PLEKHA5: variants seen among roughly 807,000 people sequenced by gnomAD.
PLEKHA5 encodes pleckstrin homology domain-containing family A member 5.
In PLEKHA5, 55 loss-of-function variants were observed where a neutral mutation model predicts 181.9. That is an observed-to-expected ratio of 0.30 (90% confidence interval 0.24 to 0.38). The LOEUF is 0.38. Ranked by LOEUF, PLEKHA5 falls within the 10% of genes least tolerant of loss-of-function variation. The pLI is 1.00. For synonymous variants in PLEKHA5, 535 were observed against 529.4 expected, an observed-to-expected ratio of 1.01 and a Z score of -0.15; for missense variants, 1,432 against 1,549.5, an observed-to-expected ratio of 0.92 and a Z score of 1.27.
At chr12:19,349,815 A>G (rs2094506753) in intron 25 of PLEKHA5, among the ~76,000 whole-genome samples, 1 of 151,968 alleles carries the variant, frequency 6.6e-6, no homozygotes, top group South Asian at 2.1e-4. Context: ...CATCTCTACT[A>G]AAAATACAAA....
rs78335422 is a variant in PLEKHA5 at position 19,240,823 on chromosome 12, G to A, written c.228-13117G>A. 1.9e-4 allele frequency among the ~76,000 whole-genome samples: 29 copies of A among 152,094 alleles called. 1 individual carries two copies. In the East Asian group the frequency reaches 5.6e-3, roughly 29 times the overall value. ...TATTTCTGATTATTGAAATGTTTCTGAGTTAGGGTTCTGCCCAGTTTTATT... is the reference window on the plus strand; with the variant it reads ...TATTTCTGATTATTGAAATGTTTCTAAGTTAGGGTTCTGCCCAGTTTTATT... On this transcript the variant is annotated intron_variant, in intron 3 of 31. Coordinates refer to ENST00000429027, the MANE Select transcript of PLEKHA5 (RefSeq NM_001256470.2).
At chr12:19,223,262 G>A (rs2059244755) in intron 3 of PLEKHA5, among the ~76,000 whole-genome samples, 1 of 151,996 alleles carries the variant, frequency 6.6e-6, no homozygotes, top group Admixed American at 6.6e-5. Context: ...GCCACCTGGT[G>A]GACAGTGATC....
intron 20 of PLEKHA5, among the ~76,000 whole-genome samples, chr12:19,324,297 A>G (rs1449864448): frequency 2.6e-5 from 4 of 152,150 alleles, no homozygotes; most frequent in Admixed American, 2.6e-4. Context: ...ATTCTTAAAT[A>G]CCTTACATTT....
chr12:19,328,048 A>T (rs1435927666), intron 20 of PLEKHA5, among the ~76,000 whole-genome samples: 1 of 152,196 alleles, frequency 6.6e-6, no homozygotes, highest in East Asian at 1.9e-4. Flanking sequence ...TCTTCTGCAT[A>T]TGGCTAGCCA....
intron 13 of PLEKHA5, among the ~76,000 whole-genome samples, chr12:19,289,240 C>G: frequency 6.6e-6 from 1 of 152,196 alleles, no homozygotes; most frequent in East Asian, 1.9e-4. Flanking sequence ...TGTTGTCTCA[C>G]CTGTGGATAC....
Position 19,320,589 on chromosome 12 carries a change from T to G in PLEKHA5, c.2182T>G (p.Leu728Val), listed in dbSNP as rs778002520. ...CLSQDEGRGT[L>V]YKYRPEEVDI... ...GTCACAAGATGAAGGTAGAGGCACA[T>G]TATACAAATACAGACCTGAAGAAGT... The change falls in exon 18 of 32, where the codon TTA becomes GTA. Residue 728 changes from leucine (L) to valine (V), a missense_variant. By Grantham distance (32) the Leu-to-Val change is conservative (BLOSUM62 1). Coordinates refer to ENST00000429027, the MANE Select transcript of PLEKHA5 (RefSeq NM_001256470.2). 3.3e-6 allele frequency: 5 copies of G among 1,520,678 alleles called. No individual in the cohort carries two copies. Among genetic ancestry groups the G allele is most frequent in the Non-Finnish European group, 4.5e-6 (5 of 1,102,180 alleles). 94.2% of individuals were successfully genotyped at this position (1,520,678 alleles called of 1,614,324 possible).
rs2094835821 is a variant in PLEKHA5 at position 19,354,772 on chromosome 12, GC to G, written c.3138+771del. On this transcript the variant is annotated intron_variant, in intron 26 of 31. Transcript: ENST00000429027. ...GCTGGGATTACAGGCGTGAGCCACC[GC>G]GCCCGGCCTTAAAATTTTGTTTAAA... 3.3e-5 allele frequency among the ~76,000 whole-genome samples: 5 copies of G among 152,150 alleles called. No individual in the cohort carries two copies. The South Asian group carries it at 1.0e-3, about 31-fold the overall frequency.
chr12:19,221,966 T>A (rs1047042028), intron 3 of PLEKHA5, among the ~76,000 whole-genome samples: 3 of 152,050 alleles, frequency 2.0e-5, no homozygotes, highest in Admixed American at 6.5e-5. Context: ...AGTTAATTTT[T>A]AAAAATATTG....
intron 11 of PLEKHA5, among the ~76,000 whole-genome samples, chr12:19,281,243 G>A (rs2076066837): frequency 1.3e-5 from 2 of 149,102 alleles, no homozygotes; most frequent in East Asian, 4.0e-4. Context: ...AAAAAAAAAA[G>A]TATGTTTGTA....
chr12:19,257,546 T>C lies in PLEKHA5; in HGVS notation c.537+9T>C, dbSNP rs779463167. ...GTTGGCTTTATAAACAGGTATTTTT[T>C]TTTTTTTGATATGAAACAAAAGACA... On this transcript the variant is annotated intron_variant, in intron 6 of 31. Transcript: ENST00000429027. The C allele has an allele frequency of 1.4e-6, 2 of 1,397,850 alleles. No homozygotes were observed. The highest frequency in any genetic ancestry group is 1.9e-5 in the Admixed American group (1 of 53,922). The allele number at this position is 1,397,850 out of a possible 1,614,324, so 86.6% of individuals were successfully genotyped here.
chr12:19,212,830 T>G (rs562414562), intron 3 of PLEKHA5, among the ~76,000 whole-genome samples: 50 of 90,002 alleles, frequency 5.6e-4, no homozygotes, highest in African/African-American at 2.0e-3. Context: ...GGGTTTTTTT[T>G]TGTTGTTTTT....
rs2091136364 is a variant in PLEKHA5 at position 19,322,543 on chromosome 12, C to CTCTT, written c.2324_2325insTCTT (p.Ala776LeufsTer12). ...TACACGCTTGAGCAAGCTTTGCTAT[C>CTCTT]AGCCAGCCAAGAGATAGAAATGCAT... On this transcript the variant is annotated frameshift_variant, in exon 20 of 32. Transcript: ENST00000429027. LOFTEE classifies it high-confidence loss of function. 1 of 1,613,798 alleles carries CTCTT rather than the reference C, an allele frequency of 6.2e-7. No homozygotes were observed. Among genetic ancestry groups the CTCTT allele is most frequent in the Non-Finnish European group, 8.5e-7 (1 of 1,179,854 alleles).
At chr12:19,305,539 T>G (rs1290943891) in intron 15 of PLEKHA5, among the ~76,000 whole-genome samples, 4 of 116,546 alleles carry the variant, frequency 3.4e-5, no homozygotes, top group Non-Finnish European at 3.5e-5. Flanking sequence ...CCAGCCTGGG[T>G]GACAGCGAGA....
intron 3 of PLEKHA5, among the ~76,000 whole-genome samples, chr12:19,183,271 T>A (rs116001752): frequency 2.0e-5 from 3 of 152,182 alleles, no homozygotes; most frequent in Non-Finnish European, 2.9e-5. Context: ...CTGTTATCAT[T>A]ATCAGCTGAC....
At chr12:19,134,897 C>T (rs1346404118) in intron 3 of PLEKHA5, among the ~76,000 whole-genome samples, 1 of 152,014 alleles carries the variant, frequency 6.6e-6, no homozygotes, top group Non-Finnish European at 1.5e-5. Context: ...GAAAGTGATT[C>T]GTGTTGGTGG....
chr12:19,231,494 C>G (rs2060533728), intron 3 of PLEKHA5, among the ~76,000 whole-genome samples: 1 of 70,606 alleles, frequency 1.4e-5, no homozygotes, highest in Non-Finnish European at 3.8e-5. Flanking sequence ...ATACTTAGGA[C>G]CTAGGTAAGG....
At chr12:19,267,909 G>A (rs561648911) in intron 8 of PLEKHA5, among the ~76,000 whole-genome samples, 2 of 152,014 alleles carry the variant, frequency 1.3e-5, no homozygotes, top group East Asian at 1.9e-4. Flanking sequence ...GCAGTGAGCC[G>A]AGATCGCGCC....
chr12:19,303,385 T>C (rs2082159846), intron 15 of PLEKHA5: 1 of 152,154 alleles, frequency 6.6e-6, no homozygotes, highest in African/African-American at 2.4e-5. Context: ...GCATTTTACC[T>C]CATGAGTTAG....
chr12:19,310,032 T>C (rs751797681), intron 15 of PLEKHA5, among the ~76,000 whole-genome samples: 5 of 152,226 alleles, frequency 3.3e-5, no homozygotes, highest in Non-Finnish European at 5.9e-5. Flanking sequence ...ATCATACATT[T>C]TCATTCCTAT....
Sources: allele counts gnomAD v4.1 joint callset (sites outside exome capture counted in the v4.1 genomes callset), GRCh38; gene constraint gnomAD v4.1.1; transcripts MANE v1.5; gene names NCBI Gene and HGNC (gene_info 2026-07-23, HGNC 2026-07-21).